Variants in DIAPH2 observed in about 807,000 individuals in gnomAD.
The protein encoded by DIAPH2 is protein diaphanous homolog 2.
DIAPH2 carries 35 observed loss-of-function variants against 92.7 expected under a neutral mutation model. The observed-to-expected ratio is 0.38, with a 90% CI of 0.29 to 0.50. The LOEUF is 0.50. DIAPH2 is among the 20% of genes least tolerant of loss of function. The pLI is 0.94. For synonymous variants in DIAPH2, 301 were observed against 280.4 expected (o/e 1.07, Z -0.73); for missense variants, 701 against 819.5 (o/e 0.86, Z 1.77).
At chrX:97,537,291 G>A (rs1400006975) in intron 26 of DIAPH2, among the ~76,000 whole-genome samples, 1 of 111,576 alleles carries the variant, frequency 9.0e-6, no homozygotes, top group African/African-American at 3.3e-5. Context: ...ATATGACTGG[G>A]GAGTTTGAAC....
At chrX:97,384,342 T>A (rs760284499) in intron 25 of DIAPH2, among the ~76,000 whole-genome samples, 1 of 111,630 alleles carries the variant, frequency 9.0e-6, no homozygotes, top group Non-Finnish European at 1.9e-5. Context: ...GTGGGTGAGA[T>A]GAAATGTGAA....
chrX:97,274,012 T>G (rs981899191), intron 23 of DIAPH2, among the ~76,000 whole-genome samples: 3 of 75,718 alleles, frequency 4.0e-5, no homozygotes, highest in African/African-American at 1.3e-4. Flanking sequence ...TAGCGGTGTG[T>G]GTGTGTGTGT....
intron 26 of DIAPH2, among the ~76,000 whole-genome samples, chrX:97,466,924 A>G (rs1569404900): frequency 8.9e-6 from 1 of 112,325 alleles, no homozygotes; most frequent in East Asian, 2.8e-4. Flanking sequence ...AAATTCAAAG[A>G]CATTTGATTA....
chrX:96,795,126 AT>A (rs748406166), intron 4 of DIAPH2, among the ~76,000 whole-genome samples: 1 of 111,083 alleles, frequency 9.0e-6, no homozygotes, highest in Non-Finnish European at 1.9e-5. Context: ...GAATATGGAC[AT>A]TTTTTTTGGT....
intron 4 of DIAPH2, among the ~76,000 whole-genome samples, chrX:96,806,775 C>G (rs748933716): frequency 9.9e-6 from 1 of 100,672 alleles, no homozygotes; most frequent in Non-Finnish European, 2.0e-5. Context: ...GAGTCTCGCT[C>G]GGTCATCCAG....
chrX:97,018,151 C>A (rs961899286), intron 17 of DIAPH2, among the ~76,000 whole-genome samples: 4 of 112,244 alleles, frequency 3.6e-5, no homozygotes, highest in African/African-American at 1.3e-4. Flanking sequence ...ACACCAACAT[C>A]ATATGCTCAT....
At position 96,766,030 on chromosome X, in the gene DIAPH2, T is replaced by G. The variant is rs560103199; in HGVS notation, c.447+7772T>G. The stretch of plus-strand genomic sequence containing the variant: ...CTTCCCATAGCACCATGTTTATAGC[T>G]CTATTGTTATATTTAACATATTTTA... On this transcript the variant is annotated intron_variant, in intron 4 of 26. Coordinates refer to ENST00000324765, the MANE Select transcript of DIAPH2 (RefSeq NM_006729.5). 2.1e-4 allele frequency among the ~76,000 whole-genome samples: 23 copies of G among 110,821 alleles called. No homozygotes were observed. In the East Asian group the frequency reaches 2.8e-3, roughly 14 times the overall value.
chrX:96,711,393 C>G (rs1355118382), intron 1 of DIAPH2, among the ~76,000 whole-genome samples: 1 of 111,698 alleles, frequency 9.0e-6, no homozygotes, highest in African/African-American at 3.3e-5. Flanking sequence ...AAGGTGGTAT[C>G]GCATTGTGGG....
chrX:97,089,904 A>G (rs916275973), intron 19 of DIAPH2, among the ~76,000 whole-genome samples: 1 of 109,758 alleles, frequency 9.1e-6, no homozygotes, highest in African/African-American at 3.3e-5. Context: ...ATTTTTTTGT[A>G]TTTTTAGTAG....
intron 25 of DIAPH2, among the ~76,000 whole-genome samples, chrX:97,428,001 A>G (rs1006237292): frequency 9.0e-6 from 1 of 110,970 alleles, no homozygotes; most frequent in Admixed American, 9.6e-5. Flanking sequence ...AATGAATGTT[A>G]CAACTACACA....
chrX:96,848,374 G>A (rs370221877), intron 4 of DIAPH2, among the ~76,000 whole-genome samples: 1 of 112,041 alleles, frequency 8.9e-6, no homozygotes, highest in East Asian at 2.8e-4. Context: ...AAATGGGATT[G>A]ATGCTTTGCT....
rs77963431 is a variant in DIAPH2 at position 97,357,887 on chromosome X, T to C, written c.3009+9607T>C. ...TGATTTAAGGAAAGCTTCAAAGACA[T>C]AGAGATATGTGAACTGGGTCTGATC... On this transcript the variant is annotated intron_variant, in intron 24 of 26. Coordinates refer to ENST00000324765, the MANE Select transcript of DIAPH2 (RefSeq NM_006729.5). 3.6e-5 allele frequency among the ~76,000 whole-genome samples: 4 copies of C among 111,861 alleles called. No individual in the cohort carries two copies. The East Asian group carries it at 1.1e-3, about 32-fold the overall frequency.
intron 1 of DIAPH2, among the ~76,000 whole-genome samples, chrX:96,697,957 A>G: frequency 8.9e-6 from 1 of 111,865 alleles, no homozygotes; most frequent in South Asian, 3.8e-4. Flanking sequence ...CAAGAGGACA[A>G]AAGTGATATG....
At chrX:97,334,973 T>C (rs1287092364) in intron 23 of DIAPH2, among the ~76,000 whole-genome samples, 1 of 13,523 alleles carries the variant, frequency 7.4e-5, no homozygotes, top group Non-Finnish European at 2.7e-4. Flanking sequence ...AGTGCAAGAC[T>C]TCGTCTCAAA....
intron 26 of DIAPH2, among the ~76,000 whole-genome samples, chrX:97,464,088 C>G (rs1442252834): frequency 1.8e-5 from 2 of 108,976 alleles, no homozygotes; most frequent in Non-Finnish European, 3.8e-5. Context: ...GATAAGCAAC[C>G]TTGTGGACAT....
intron 17 of DIAPH2, among the ~76,000 whole-genome samples, chrX:97,033,368 TCTAATAAA>T (rs1300962854): frequency 1.8e-5 from 2 of 111,694 alleles, no homozygotes; most frequent in East Asian, 5.6e-4. Context: ...AGATGCCAGA[TCTAATAAA>T]CTAAGTCAGC....
intron 23 of DIAPH2, among the ~76,000 whole-genome samples, chrX:97,286,994 G>A (rs759878702): frequency 8.9e-6 from 1 of 111,782 alleles, no homozygotes; most frequent in East Asian, 2.8e-4. Context: ...TCCAAAGAAT[G>A]TCTTTCAAAA....
chrX:96,818,168 A>G (rs6523063), intron 4 of DIAPH2, among the ~76,000 whole-genome samples: 36,285 of 73,194 alleles, frequency 0.5, 9,447 homozygotes, highest in African/African-American at 0.79. Context: ...TTTAGTAGAG[A>G]CGGGGTTTCA....
intron 25 of DIAPH2, among the ~76,000 whole-genome samples, chrX:97,386,681 AAAG>A (rs1302871242): frequency 9.1e-6 from 1 of 110,338 alleles, no homozygotes; most frequent in Non-Finnish European, 1.9e-5. Context: ...ATAAAAAAAA[AAAG>A]AAAAGTTCTG....
Sources: gnomAD v4.1 joint callset for allele counts (sites outside exome capture counted in the v4.1 genomes callset) on GRCh38, gnomAD v4.1.1 for gene constraint, MANE v1.5 for transcripts, NCBI Gene and HGNC (gene_info 2026-07-23, HGNC 2026-07-21) for gene names.